The following FCRL1 variants were observed in gnomAD, a reference collection of about 807,000 sequenced individuals.
The protein encoded by FCRL1 is Fc receptor like 1.
A neutral mutation model predicts 49.2 loss-of-function variants in FCRL1; 34 were observed. The ratio of observed to expected loss-of-function variants is 0.69; its 90% CI spans 0.53 to 0.92. The LOEUF is 0.92. FCRL1 is among the 40% of genes least tolerant of loss of function. FCRL1 has a pLI of 0.00. For synonymous variants in FCRL1, 218 were observed against 201.6 expected, an observed-to-expected ratio of 1.08 and a Z score of -0.69; for missense variants, 524 against 524.1, an observed-to-expected ratio of 1.00 and a Z score of 0.00.
chr1:157,796,151 G>C lies in FCRL1; in HGVS notation c.1238C>G (p.Ser413Cys), dbSNP rs1407942665. The change falls in exon 11 of 11, where the codon TCC becomes TGC. Residue 413 changes from serine to cysteine, a missense_variant. By Grantham distance (112) the Ser-to-Cys change is moderately radical. Transcript: ENST00000368176. ...MEDKVSLDIY[S>C]RLRKANITDV... ...TGTAATGTTTGCTTTCCTCAGCCTG[G>C]AATAGATGTCTAAGGAAACCTGGAA... The C allele has an allele frequency of 3.1e-6, 5 of 1,613,862 alleles. No individual in the cohort carries two copies. The highest frequency in any genetic ancestry group is 1.1e-5 in the South Asian group (1 of 91,084).
chr1:157,804,180 T>C (rs191731924), intron 2 of FCRL1, 69 bp from the exon 3 acceptor site: 148 of 1,564,594 alleles, frequency 9.5e-5, no homozygotes, highest in Middle Eastern at 8.2e-4. Flanking sequence ...AGTTTGTGTC[T>C]CAGCACTTGC....
Position 157,802,500 on chromosome 1 carries a change from G to T in FCRL1, c.484C>A (p.Arg162Ser). The change falls in exon 4 of 11, where the codon CGT (arginine) becomes AGT (serine). Residue 162 changes from arginine to serine, a missense_variant. Coordinates refer to ENST00000368176, the MANE Select transcript of FCRL1 (RefSeq NM_052938.5). ...ATCTCATACTCTGCTGTCAGTGAAC[G>T]CTGGGTCTTTGACTGAAGGTTTAAA... Reference protein sequence around the residue: ...VGLNLQSKTQRSLTAEYEIPS... With the variant: ...VGLNLQSKTQSSLTAEYEIPS... 6.2e-7 allele frequency: 1 copy of T among 1,614,134 alleles called. No individual in the cohort carries two copies. Among genetic ancestry groups the T allele is most frequent in the Non-Finnish European group, 8.5e-7 (1 of 1,180,002 alleles).
chr1:157,810,194 G>C (rs1557916621), intron 1 of FCRL1, among the ~76,000 whole-genome samples: 1 of 152,184 alleles, frequency 6.6e-6, no homozygotes, highest in Non-Finnish European at 1.5e-5. Flanking sequence ...AAGGAAGAAT[G>C]AGGAAGAAGT....
rs544983464 is a variant in FCRL1, at chr1:157,798,689, A to T, written c.1032-446T>A. ...AAAAGAATACCTGTTTATTGTTGGC[A>T]TAAATGATAATACATTATATTAAAA... On this transcript the variant is annotated intron_variant, in intron 7 of 10. Coordinates refer to ENST00000368176, the MANE Select transcript of FCRL1 (RefSeq NM_052938.5). 2.2e-4 allele frequency among the ~76,000 whole-genome samples: 33 copies of T among 152,316 alleles called. No individual in the cohort carries two copies. In the South Asian group the frequency reaches 3.3e-3, roughly 15 times the overall value.
chr1:157,818,968 G>T (rs1655426898), intron 1 of FCRL1, among the ~76,000 whole-genome samples: 1 of 152,172 alleles, frequency 6.6e-6, no homozygotes, highest in African/African-American at 2.4e-5. Context: ...CAAGTGGAGA[G>T]TCTTGTCATC....
At chr1:157,803,810 GC>G in intron 3 of FCRL1, 34 bp downstream of exon 3, 1 of 1,603,378 alleles carries the variant, frequency 6.2e-7, no homozygotes, top group South Asian at 1.1e-5. Flanking sequence ...GCCCTTCTCA[GC>G]CTATCCTGGC....
Position 157,798,142 on chromosome 1 carries a change from G to T in FCRL1, c.1114+19C>A, listed in dbSNP as rs1338440112. ...GCTTGCTGTACCATCGTTGGCCTGG[G>T]CCATTTGGGAAGGCTCACCATTTTC... is the stretch of plus-strand genomic sequence containing the variant. On this transcript the variant is annotated intron_variant, in intron 8 of 10. Transcript: ENST00000368176. 5.6e-6 allele frequency: 9 copies of T among 1,605,418 alleles called. No homozygotes were observed. Among genetic ancestry groups the T allele is most frequent in the Non-Finnish European group, 7.7e-6 (9 of 1,174,716 alleles).
chr1:157,810,715 G>A (rs1039820995), intron 1 of FCRL1, among the ~76,000 whole-genome samples: 2 of 152,146 alleles, frequency 1.3e-5, no homozygotes, highest in African/African-American at 2.4e-5. Context: ...TTAATGTAAT[G>A]TAAATTAAAA....
At chr1:157,800,658 G>T (rs781406721) in intron 6 of FCRL1, among the ~76,000 whole-genome samples, 1 of 152,144 alleles carries the variant, frequency 6.6e-6, no homozygotes, top group African/African-American at 2.4e-5. Context: ...GGCTGTGCAC[G>T]CCAGGTGAAG....
At chr1:157,804,168 G>A in intron 2 of FCRL1, 57 bp from the exon 3 acceptor site, 2 of 1,587,200 alleles carry the variant, frequency 1.3e-6, no homozygotes, top group Non-Finnish European at 8.6e-7. Flanking sequence ...CTGGTAAGAG[G>A]CAGTTTGTGT....
At chr1:157,817,386 C>T (rs1355147369) in intron 1 of FCRL1, among the ~76,000 whole-genome samples, 1 of 151,892 alleles carries the variant, frequency 6.6e-6, no homozygotes, top group Non-Finnish European at 1.5e-5. Flanking sequence ...ATTTATAGCC[C>T]ACTGATTTTC....
At chr1:157,803,397 C>T (rs1291674594) in intron 3 of FCRL1, among the ~76,000 whole-genome samples, 1 of 152,192 alleles carries the variant, frequency 6.6e-6, no homozygotes, top group Non-Finnish European at 1.5e-5. Context: ...TCCAACTGCC[C>T]TTCCATAAGC....
chr1:157,806,850 G>C, intron 2 of FCRL1: 1 of 400,788 alleles, frequency 2.5e-6, no homozygotes, highest in East Asian at 4.0e-5. Flanking sequence ...AAGTAAGACT[G>C]TGTTCTTGAG....
intron 1 of FCRL1, among the ~76,000 whole-genome samples, chr1:157,810,287 C>A (rs576810847): frequency 2.2e-4 from 26 of 119,088 alleles, no homozygotes; most frequent in African/African-American, 6.7e-4. Context: ...AAGTAAATTT[C>A]TTTTTCTTTT....
intron 1 of FCRL1, among the ~76,000 whole-genome samples, chr1:157,818,336 A>G (rs1036036989): frequency 6.6e-6 from 1 of 151,930 alleles, no homozygotes; most frequent in African/African-American, 2.4e-5. Context: ...AAAATAATGA[A>G]ATCCTATCAT....
chr1:157,814,973 C>A, intron 1 of FCRL1, among the ~76,000 whole-genome samples: 1 of 151,928 alleles, frequency 6.6e-6, no homozygotes, highest in South Asian at 2.1e-4. Context: ...ATTATTAGAT[C>A]TAAAAGGAGA....
intron 1 of FCRL1, among the ~76,000 whole-genome samples, chr1:157,816,822 T>C (rs939600111): frequency 2.0e-5 from 3 of 148,994 alleles, no homozygotes; most frequent in Admixed American, 6.6e-5. Context: ...GATAGATAGA[T>C]AGACAAAATA....
intron 5 of FCRL1, 35 bp from the exon 6 acceptor site, chr1:157,801,612 G>A (rs1019641090): frequency 6.2e-6 from 9 of 1,449,736 alleles, no homozygotes; most frequent in Non-Finnish European, 8.7e-6. Flanking sequence ...TCTGCTCAGA[G>A]GAAGGGCTTG....
At chr1:157,817,787 G>C (rs1655245046) in intron 1 of FCRL1, among the ~76,000 whole-genome samples, 1 of 151,992 alleles carries the variant, frequency 6.6e-6, no homozygotes, top group African/African-American at 2.4e-5. Flanking sequence ...CTGAGAAAAA[G>C]TTAATATCCA....
Sources: gnomAD v4.1 joint callset for allele counts (sites outside exome capture counted in the v4.1 genomes callset) on GRCh38, gnomAD v4.1.1 for gene constraint, MANE v1.5 for transcripts, NCBI Gene and HGNC (gene_info 2026-07-23, HGNC 2026-07-21) for gene names.